The following ARHGAP40 variants were observed in gnomAD, a reference collection of about 807,000 sequenced individuals.
ARHGAP40 encodes the protein Rho GTPase activating protein 40, also known as rho GTPase-activating protein 40.
ARHGAP40 carries 43 observed loss-of-function variants against 73.5 expected under a neutral mutation model. The observed-to-expected ratio is 0.58, with a 90% CI of 0.46 to 0.75. The LOEUF is 0.75. Among genes scored for constraint, ARHGAP40 ranks in the 30% least tolerant of loss-of-function variants. The pLI is 0.00. For missense variants in ARHGAP40, 734 were observed against 861.8 expected, an observed-to-expected ratio of 0.85 and a Z score of 1.86; for synonymous variants, 300 against 352.8, an observed-to-expected ratio of 0.85 and a Z score of 1.68.
intron 4 of ARHGAP40, among the ~76,000 whole-genome samples, chr20:38,629,274 G>A (rs1427509103): frequency 6.6e-6 from 1 of 152,166 alleles, no homozygotes; most frequent in African/African-American, 2.4e-5. Context: ...GGGGCAGTGA[G>A]GGTCTTAGCT....
intron 6 of ARHGAP40, among the ~76,000 whole-genome samples, chr20:38,635,940 G>A (rs141007725): frequency 1.3e-3 from 204 of 152,276 alleles, no homozygotes; most frequent in Admixed American, 3.2e-3. Context: ...TTGGCTGAGT[G>A]TAGGTCTGCT....
chr20:38,645,603 T>C (rs981713975), intron 11 of ARHGAP40, among the ~76,000 whole-genome samples: 6 of 152,174 alleles, frequency 3.9e-5, no homozygotes, highest in African/African-American at 7.2e-5. Flanking sequence ...GTTCTCTGAC[T>C]CTGCTGGGTT....
chr20:38,619,189 C>T (rs1189789245), intron 1 of ARHGAP40, among the ~76,000 whole-genome samples: 4 of 152,150 alleles, frequency 2.6e-5, no homozygotes, highest in African/African-American at 7.2e-5. Flanking sequence ...AGGCTAGAAG[C>T]ATGGGCAGGT....
intron 1 of ARHGAP40, among the ~76,000 whole-genome samples, chr20:38,621,387 A>C (rs1049937899): frequency 1.3e-5 from 2 of 152,270 alleles, no homozygotes; most frequent in Non-Finnish European, 2.9e-5. Context: ...AATCTCCATC[A>C]AAAGGAAATG....
At chr20:38,628,790 G>C in intron 3 of ARHGAP40, 137 bp from the exon 4 acceptor site, 1 of 534,768 alleles carries the variant, frequency 1.9e-6, no homozygotes, top group South Asian at 2.0e-5. Flanking sequence ...GGGACTTTGG[G>C]CAAGTAACTC....
At chr20:38,637,475 G>C (rs2145610428) in intron 6 of ARHGAP40, among the ~76,000 whole-genome samples, 2 of 152,142 alleles carry the variant, frequency 1.3e-5, no homozygotes, top group South Asian at 4.1e-4. Flanking sequence ...AACCAGCTAA[G>C]ATTTTCTGCT....
At chr20:38,618,541 G>C (rs2088856722) in intron 1 of ARHGAP40, among the ~76,000 whole-genome samples, 1 of 152,186 alleles carries the variant, frequency 6.6e-6, no homozygotes, top group African/African-American at 2.4e-5. Flanking sequence ...CCTGCTCTCT[G>C]CTCCATGATG....
chr20:38,608,137 G>C (rs1601131965), intron 1 of ARHGAP40, among the ~76,000 whole-genome samples: 1 of 152,084 alleles, frequency 6.6e-6, no homozygotes, highest in Non-Finnish European at 1.5e-5. Flanking sequence ...ATTTTAATTT[G>C]TTTGGAGAGT....
intron 5 of ARHGAP40, among the ~76,000 whole-genome samples, chr20:38,633,655 T>C (rs2088955264): frequency 6.6e-6 from 1 of 152,246 alleles, no homozygotes; most frequent in East Asian, 1.9e-4. Context: ...CATCAATTAC[T>C]ATTTCTTTCC....
At chr20:38,614,163 A>T (rs1266718770) in intron 1 of ARHGAP40, among the ~76,000 whole-genome samples, 1 of 152,172 alleles carries the variant, frequency 6.6e-6, no homozygotes, top group African/African-American at 2.4e-5. Context: ...CGTAGTCATC[A>T]TGTACTAAGT....
intron 1 of ARHGAP40, among the ~76,000 whole-genome samples, chr20:38,607,789 T>C (rs2088780319): frequency 6.6e-6 from 1 of 152,342 alleles, no homozygotes; most frequent in East Asian, 1.9e-4. Context: ...TGTTTGCCAA[T>C]CTGATAGAGT....
intron 1 of ARHGAP40, chr20:38,615,265 CT>C (rs1184528109): frequency 1.0e-5 from 8 of 769,104 alleles, no homozygotes. Context: ...TCTTCTCCAA[CT>C]TTTCTATGTT....
chr20:38,649,038 C>T (rs2089071681), intron 14 of ARHGAP40, among the ~76,000 whole-genome samples: 1 of 152,188 alleles, frequency 6.6e-6, no homozygotes, highest in Non-Finnish European at 1.5e-5. Flanking sequence ...TCATCCCTGG[C>T]CTAGGGGCCA....
At position 38,646,098 on chromosome 20, in the gene ARHGAP40, A is replaced by C. The variant is rs2089050883; in HGVS notation, c.1621A>C (p.Arg541=). 7.7e-7 allele frequency: 1 copy of C among 1,304,124 alleles called. No homozygotes were observed. Among genetic ancestry groups the C allele is most frequent in the South Asian group, 1.2e-5 (1 of 81,034 alleles). 80.8% of individuals were successfully genotyped at this position (1,304,124 alleles called of 1,614,324 possible). ...GCGAAAACTGAACGACAGTAGCAGC[A>C]GGCGCCCCCAGCTCTGCGACGCAGG... The change falls in exon 12 of 15, where the codon AGG becomes CGG. Residue 541 remains arginine (R), a synonymous_variant. Coordinates refer to ENST00000373345, the Ensembl canonical transcript of ARHGAP40. This position sits in a 1 kb window ranked among gnomAD's most constrained non-coding sequence, Gnocchi z 4.5.
intron 14 of ARHGAP40, among the ~76,000 whole-genome samples, chr20:38,649,028 T>A (rs1601154003): frequency 1.3e-5 from 2 of 152,204 alleles, no homozygotes; most frequent in South Asian, 4.1e-4. Context: ...GGGATGGACT[T>A]CATCCCTGGC....
intron 2 of ARHGAP40, among the ~76,000 whole-genome samples, chr20:38,623,797 T>C (rs1017519576): frequency 1.3e-5 from 2 of 152,166 alleles, no homozygotes; most frequent in Non-Finnish European, 2.9e-5. Context: ...CTCCTTAGAG[T>C]AAGTCCTTCA....
chr20:38,629,101 T>C lies in ARHGAP40; in HGVS notation c.634+99T>C, dbSNP rs1198018810. 14 of 1,001,668 alleles carry C rather than the reference T, an allele frequency of 1.4e-5. No individual in the cohort carries two copies. In the East Asian group the frequency reaches 8.2e-4, roughly 59 times the overall value. 62.0% of individuals were successfully genotyped at this position (1,001,668 alleles called of 1,614,324 possible). A position where few individuals can be genotyped will look rare whatever the true frequency, so the allele number is the denominator to read the frequency against. On this transcript the variant is annotated intron_variant, in intron 4 of 14. Transcript: ENST00000373345. ...AATGTGCACACCTCCCAGCATTTCC[T>C]GCTTCCTGCTGACTCCCTGCCTTCC...
chr20:38,648,942 G>C (rs1182466833), intron 14 of ARHGAP40, among the ~76,000 whole-genome samples: 1 of 152,236 alleles, frequency 6.6e-6, no homozygotes, highest in East Asian at 1.9e-4. Context: ...GGCTTGCAGA[G>C]AGATGCAGAA....
intron 11 of ARHGAP40, among the ~76,000 whole-genome samples, chr20:38,644,539 T>C (rs1301447096): frequency 1.3e-5 from 2 of 151,764 alleles, no homozygotes; most frequent in African/African-American, 2.4e-5. Context: ...TTCCATTCAG[T>C]CTCCCATCCA....
Sources: allele counts gnomAD v4.1 joint callset (sites outside exome capture counted in the v4.1 genomes callset), GRCh38; gene constraint gnomAD v4.1.1; non-coding constraint Gnocchi (gnomAD v3.1); transcripts MANE v1.5; gene names NCBI Gene and HGNC (gene_info 2026-07-23, HGNC 2026-07-21).